CFHR5: variants seen among roughly 807,000 people sequenced by gnomAD.
CFHR5 encodes complement factor H-related protein 5.
Under a neutral mutation model 62.9 loss-of-function variants are expected in CFHR5, and 73 were observed. The observed-to-expected ratio is 1.16, with a 90% confidence interval of 0.96 to 1.41. CFHR5 has a LOEUF of 1.41. Ranked by LOEUF, CFHR5 falls within the 40% of genes most tolerant of loss-of-function variation. The pLI is 0.00. For synonymous variants in CFHR5, 249 were observed against 227.2 expected (o/e 1.10, Z -0.86); for missense variants, 779 against 679.9 (o/e 1.15, Z -1.62).
chr1:197,002,638 G>T lies in CFHR5; in HGVS notation c.1304G>T (p.Arg435Leu). The part of the protein sequence containing the change: ...EAKEIVCKDG[R>L]WQSLPRCVES... ...AAAGAAATTGTATGTAAAGATGGAC[G>T]ATGGCAATCATTACCACGCTGTGTT... Residue 435 changes from arginine to leucine, a missense_variant, in exon 8 of 10, where the codon CGA (arginine) becomes CTA (leucine). Arg to Leu is a moderately radical substitution (Grantham distance 102, BLOSUM62 -2). Coordinates refer to ENST00000256785, the MANE Select transcript of CFHR5 (RefSeq NM_030787.4). The T allele has an allele frequency of 6.2e-7, 1 of 1,613,310 alleles. No individual in the cohort carries two copies. The highest frequency in any genetic ancestry group is 8.5e-7 in the Non-Finnish European group (1 of 1,179,516).
upstream of CFHR5, among the ~76,000 whole-genome samples, chr1:196,976,158 C>T (rs1464227056): frequency 2.0e-5 from 3 of 152,144 alleles, no homozygotes; most frequent in Admixed American, 6.5e-5. Context: ...GTGGAGACTA[C>T]TAATAGCTCA....
At chr1:196,994,946 G>A (rs1653949681) in intron 4 of CFHR5, among the ~76,000 whole-genome samples, 1 of 152,090 alleles carries the variant, frequency 6.6e-6, no homozygotes, top group Non-Finnish European at 1.5e-5. Flanking sequence ...CATGAGAATA[G>A]CACAGGAAAG....
Position 196,996,044 on chromosome 1 carries a change from C to A in CFHR5, c.813C>A (p.Tyr271Ter). 1 of 1,613,850 alleles carries A rather than the reference C, an allele frequency of 6.2e-7. No individual in the cohort carries two copies. Among genetic ancestry groups the A allele is most frequent in the Non-Finnish European group, 8.5e-7 (1 of 1,179,816 alleles). ...TAGAACAAGTGAAAACATGTGGATA[C>A]ATACCTGAACTCGAGTACGGTTATG... ...TCVEQVKTCG[Y>*]IPELEYGYVQ... Residue 271 changes from tyrosine (Y) to a stop codon, truncating the protein, a stop_gained, in exon 6 of 10, where the codon TAC (tyrosine) becomes TAA (stop). Coordinates refer to ENST00000256785, the MANE Select transcript of CFHR5 (RefSeq NM_030787.4). LOFTEE classifies it high-confidence loss of function.
intron 3 of CFHR5, among the ~76,000 whole-genome samples, chr1:196,992,346 C>T (rs1017628516): frequency 6.6e-6 from 1 of 151,622 alleles, no homozygotes; most frequent in Admixed American, 6.6e-5. Context: ...AATCCCCCAA[C>T]CCCTTGCACT....
chr1:196,994,088 T>TGTCATGTTCCAATTTTAGAAGC lies in CFHR5; in HGVS notation c.440_461dup (p.Asn155SerfsTer50). ...TTTAATTTTATTTTTAGAAGGAGAA[T>TGTCATGTTCCAATTTTAGAAGC]GTCATGTTCCAATTTTAGAAGCCAA... On this transcript the variant is annotated frameshift_variant, in exon 4 of 10. Transcript: ENST00000256785. LOFTEE classifies it high-confidence loss of function. 1 of 1,611,368 alleles carries TGTCATGTTCCAATTTTAGAAGC rather than the reference T, an allele frequency of 6.2e-7. No individual in the cohort carries two copies. The highest frequency in any genetic ancestry group is 8.5e-7 in the Non-Finnish European group (1 of 1,177,976).
chr1:196,986,372 T>TTATA lies in CFHR5; in HGVS notation c.430+2248_430+2251dup, dbSNP rs754322981. On this transcript the variant is annotated intron_variant, in intron 3 of 9. Transcript: ENST00000256785. ...TTGGCCAAGATCGATTATTTTCTTT[T>TTATA]TATATATATATATATACTTTAAGTT... Among the ~76,000 whole-genome samples the TTATA allele has an allele frequency of 7.4e-4, 111 of 150,846 alleles. 1 individual carries two copies. The highest frequency in any genetic ancestry group is 2.5e-3 in the African/African-American group (103 of 41,174).
rs1418574051 is a variant in CFHR5, at chr1:196,981,474, A to T, written c.59-1411A>T. Among the ~76,000 whole-genome samples the T allele has an allele frequency of 3.9e-5, 6 of 152,036 alleles. No individual in the cohort carries two copies. The East Asian group carries it at 1.2e-3, about 29-fold the overall frequency. On this transcript the variant is annotated intron_variant, in intron 1 of 9. Coordinates refer to ENST00000256785, the MANE Select transcript of CFHR5 (RefSeq NM_030787.4). ...TACAGTAAAAAAACTGTAAATAAAA[A>T]ATTAAGTCTAATAAAAAATATGTGT...
At chr1:196,999,727 A>C (rs1206588546) in intron 7 of CFHR5, among the ~76,000 whole-genome samples, 4 of 72,924 alleles carry the variant, frequency 5.5e-5, no homozygotes, top group Non-Finnish European at 1.2e-4. Flanking sequence ...ATATATACAC[A>C]CACACACATA....
At chr1:196,987,339 T>C (rs555707911) in intron 3 of CFHR5, among the ~76,000 whole-genome samples, 43 of 152,208 alleles carry the variant, frequency 2.8e-4, no homozygotes, top group Non-Finnish European at 4.7e-4. Flanking sequence ...GTAGTTTCTT[T>C]TGCTGTGCAG....
chr1:196,980,626 G>GTA (rs1412537172), intron 1 of CFHR5, among the ~76,000 whole-genome samples: 58 of 143,464 alleles, frequency 4.0e-4, no homozygotes, highest in African/African-American at 1.4e-3. Flanking sequence ...GTGTGTGTGT[G>GTA]TGTATCCCAG....
At chr1:196,980,070 T>C (rs528386540) in intron 1 of CFHR5, among the ~76,000 whole-genome samples, 2 of 152,168 alleles carry the variant, frequency 1.3e-5, no homozygotes, top group South Asian at 4.2e-4. Context: ...AACACACACA[T>C]TAACCTCGGC....
chr1:196,982,774 A>T (rs933837275), intron 1 of CFHR5, 111 bp from the exon 2 acceptor site: 2 of 963,506 alleles, frequency 2.1e-6, no homozygotes, highest in Admixed American at 3.9e-5. Context: ...AGCTAAAGGC[A>T]TTTAAGCTGA....
intron 8 of CFHR5, 108 bp downstream of exon 8, chr1:197,002,772 C>T (rs1485760563): frequency 3.3e-6 from 3 of 906,522 alleles, no homozygotes; most frequent in Middle Eastern, 3.3e-4. Flanking sequence ...TGCACTGTAC[C>T]CCAAAGCCTT....
chr1:196,991,052 T>C (rs1653834294), intron 3 of CFHR5, among the ~76,000 whole-genome samples: 1 of 152,090 alleles, frequency 6.6e-6, no homozygotes. Context: ...TCTCGGAGGC[T>C]TTGTTCATTT....
At chr1:196,980,237 TAC>T (rs1330173751) in intron 1 of CFHR5, among the ~76,000 whole-genome samples, 2 of 152,138 alleles carry the variant, frequency 1.3e-5, no homozygotes, top group Non-Finnish European at 2.9e-5. Flanking sequence ...GAGGATGTTT[TAC>T]AGTTATTTTT....
At chr1:196,990,904 G>A (rs1284798491) in intron 3 of CFHR5, among the ~76,000 whole-genome samples, 3 of 152,122 alleles carry the variant, frequency 2.0e-5, no homozygotes, top group East Asian at 3.9e-4. Context: ...GAAATTGAAT[G>A]TTGACCTGCC....
intron 9 of CFHR5, among the ~76,000 whole-genome samples, chr1:197,006,907 G>A (rs1302004131): frequency 6.7e-6 from 1 of 149,938 alleles, no homozygotes; most frequent in Non-Finnish European, 1.5e-5. Context: ...CGTGATCTCG[G>A]CTCATTGCAA....
rs112503996 is a variant in CFHR5 at position 196,977,660 on chromosome 1, C to T, written c.-5C>T. ...TTTAGTTATATACGATTGAGACTACCAAGCATGTTGCTCTTATTCAGTGTA... is the reference window on the plus strand; with the variant it reads ...TTTAGTTATATACGATTGAGACTACTAAGCATGTTGCTCTTATTCAGTGTA... On this transcript the variant is annotated 5_prime_UTR_variant, in exon 1 of 10. Coordinates refer to ENST00000256785, the MANE Select transcript of CFHR5 (RefSeq NM_030787.4). The T allele has an allele frequency of 6.2e-7, 1 of 1,610,678 alleles. No homozygotes were observed. Among genetic ancestry groups the T allele is most frequent in the East Asian group, 2.2e-5 (1 of 44,790 alleles).
rs533015887 is a variant in CFHR5 at position 196,982,166 on chromosome 1, G to A, written c.59-719G>A. 3.9e-5 allele frequency among the ~76,000 whole-genome samples: 6 copies of A among 152,118 alleles called. No homozygotes were observed. In the East Asian group the frequency reaches 1.2e-3, roughly 29 times the overall value. On this transcript the variant is annotated intron_variant, in intron 1 of 9. Transcript: ENST00000256785. Reference sequence around the variant, plus strand: ...AGATTTTTCTGGTGGAAATACCTATGACAGTTGATGAGAATAGAAAAAGAA... The same window carrying A: ...AGATTTTTCTGGTGGAAATACCTATAACAGTTGATGAGAATAGAAAAAGAA...
Sources: allele counts gnomAD v4.1 joint callset (sites outside exome capture counted in the v4.1 genomes callset), GRCh38; gene constraint gnomAD v4.1.1; transcripts MANE v1.5; gene names NCBI Gene and HGNC (gene_info 2026-07-23, HGNC 2026-07-21).